RND1: variants seen among roughly 807,000 people sequenced by gnomAD.
RND1 encodes rho-related GTP-binding protein Rho6.
A neutral mutation model predicts 27.1 loss-of-function variants in RND1; 9 were observed. That is an observed-to-expected ratio of 0.33 (90% CI 0.20 to 0.58). The LOEUF is 0.58. RND1 is among the 20% of genes least tolerant of loss of function. The pLI is 0.86. For synonymous variants in RND1, 108 were observed against 115.7 expected (o/e 0.93, Z 0.43); for missense variants, 253 against 292.2 (o/e 0.87, Z 0.98).
At chr12:48,863,378 C>T (rs1938943235) in intron 2 of RND1, among the ~76,000 whole-genome samples, 1 of 151,472 alleles carries the variant, frequency 6.6e-6, no homozygotes, top group Admixed American at 6.6e-5. Context: ...TTTCCATGAT[C>T]TGGTTTGGGA....
Sources: gnomAD v4.1 joint callset for allele counts (sites outside exome capture counted in the v4.1 genomes callset) on GRCh38, gnomAD v4.1.1 for gene constraint, MANE v1.5 for transcripts, NCBI Gene and HGNC (gene_info 2026-07-23, HGNC 2026-07-21) for gene names.